The following BCL2L13 variants were observed in gnomAD, a reference collection of about 807,000 sequenced individuals.
BCL2L13 encodes bcl-2-like protein 13.
Under a neutral mutation model 25.8 loss-of-function variants are expected in BCL2L13, and 13 were observed. That is an observed-to-expected ratio of 0.50 (90% CI 0.33 to 0.80). The LOEUF (loss-of-function observed/expected upper bound fraction) is 0.80, where lower values mean the gene tolerates loss of function less well. Among genes scored for constraint, BCL2L13 ranks in the 30% least tolerant of loss-of-function variants. The pLI is 0.02. For synonymous variants in BCL2L13, 244 were observed against 230.3 expected, an observed-to-expected ratio of 1.06 and a Z score of -0.54; for missense variants, 504 against 574.9, an observed-to-expected ratio of 0.88 and a Z score of 1.26.
At chr22:17,646,716 C>CTTTTTTTTTT (rs10684670) in intron 1 of BCL2L13, among the ~76,000 whole-genome samples, 5 of 89,196 alleles carry the variant, frequency 5.6e-5, no homozygotes, top group Admixed American at 1.6e-4. Flanking sequence ...AAATATCTGT[C>CTTTTTTTTTT]TTTTTTTTTT....
At chr22:17,669,590 C>T (rs544946011) in intron 2 of BCL2L13, among the ~76,000 whole-genome samples, 5 of 152,288 alleles carry the variant, frequency 3.3e-5, no homozygotes, top group Middle Eastern at 3.4e-3. Flanking sequence ...GATGCACTCC[C>T]GTGACCCAAA....
upstream of BCL2L13, chr22:17,638,147 A>G (rs2058145708): frequency 6.6e-6 from 1 of 152,332 alleles, no homozygotes; most frequent in Non-Finnish European, 1.5e-5. Flanking sequence ...TCAAGTAAAC[A>G]AACATCCATT....
intron 1 of BCL2L13, among the ~76,000 whole-genome samples, chr22:17,647,299 G>A (rs1255039147): frequency 2.0e-5 from 3 of 151,678 alleles, no homozygotes; most frequent in Non-Finnish European, 2.9e-5. Context: ...TAGTGGAGAC[G>A]GGGTTTCACT....
In BCL2L13 at chr22:17,655,792, T is replaced by G; in HGVS notation, c.81T>G (p.Ser27=). The change falls in exon 2 of 7, where the codon TCT becomes TCG. Residue 27 remains serine, a synonymous_variant. Transcript: ENST00000317582. ...TTCTCAGCTACTTGGGACTCCTCTCTCAAGAGAAGCTGCAAGAGCAACATC... is the reference window on the plus strand; with the variant it reads ...TTCTCAGCTACTTGGGACTCCTCTCGCAAGAGAAGCTGCAAGAGCAACATC... ...YVVLSYLGLL[S]QEKLQEQHLS... is the part of the protein sequence containing the mutation. The G allele has an allele frequency of 6.2e-7, 1 of 1,613,852 alleles. No individual in the cohort carries two copies. Among genetic ancestry groups the G allele is most frequent in the Non-Finnish European group, 8.5e-7 (1 of 1,179,878 alleles).
At chr22:17,698,007 G>A (rs531442442) in intron 5 of BCL2L13, among the ~76,000 whole-genome samples, 66 of 151,920 alleles carry the variant, frequency 4.3e-4, no homozygotes, top group Non-Finnish European at 8.2e-4. Flanking sequence ...GTAGAGATGG[G>A]GTTTCACTGT....
intron 2 of BCL2L13, among the ~76,000 whole-genome samples, chr22:17,677,304 A>C (rs901058495): frequency 6.6e-6 from 1 of 152,252 alleles, no homozygotes; most frequent in African/African-American, 2.4e-5. Context: ...ATACGTAAAA[A>C]TGTTTAACCT....
upstream of BCL2L13, among the ~76,000 whole-genome samples, chr22:17,635,945 G>C (rs527572991): frequency 1.3e-5 from 2 of 151,474 alleles, no homozygotes; most frequent in Non-Finnish European, 2.9e-5. Context: ...TCCTGACCTC[G>C]TGATCCGTCC....
chr22:17,646,716 C>CTTTTTTTTTTTTT (rs10684670), intron 1 of BCL2L13, among the ~76,000 whole-genome samples: 1 of 89,196 alleles, frequency 1.1e-5, no homozygotes, highest in Admixed American at 1.6e-4. Context: ...AAATATCTGT[C>CTTTTTTTTTTTTT]TTTTTTTTTT....
chr22:17,662,631 A>G (rs550748396), intron 2 of BCL2L13, among the ~76,000 whole-genome samples: 1 of 152,146 alleles, frequency 6.6e-6, no homozygotes, highest in Non-Finnish European at 1.5e-5. Context: ...AGACCAGCCT[A>G]CATGGCGAAA....
At chr22:17,649,358 A>G (rs573922218) in intron 1 of BCL2L13, among the ~76,000 whole-genome samples, 2 of 152,158 alleles carry the variant, frequency 1.3e-5, no homozygotes, top group East Asian at 1.9e-4. Context: ...CGGCCTCCCA[A>G]AGTGTTGGGA....
chr22:17,679,476 G>A (rs1183363154), intron 2 of BCL2L13, among the ~76,000 whole-genome samples: 1 of 151,662 alleles, frequency 6.6e-6, no homozygotes, highest in Non-Finnish European at 1.5e-5. Flanking sequence ...CACCATGTTG[G>A]CCAGGCTGGT....
At chr22:17,672,318 T>C (rs2059442545) in intron 2 of BCL2L13, among the ~76,000 whole-genome samples, 1 of 152,200 alleles carries the variant, frequency 6.6e-6, no homozygotes, top group Non-Finnish European at 1.5e-5. Flanking sequence ...GAACCATAGA[T>C]TTCGAAAGTA....
At chr22:17,690,703 C>A (rs2145633343) in intron 4 of BCL2L13, among the ~76,000 whole-genome samples, 1 of 152,170 alleles carries the variant, frequency 6.6e-6, no homozygotes. Context: ...TTTGAGGCTG[C>A]AGTAAGCTAT....
At chr22:17,654,838 C>T (rs929460977) in intron 1 of BCL2L13, among the ~76,000 whole-genome samples, 1 of 152,024 alleles carries the variant, frequency 6.6e-6, no homozygotes, top group African/African-American at 2.4e-5. Flanking sequence ...CCTCCCGCCT[C>T]AGCTTCCTGA....
At chr22:17,713,401 C>G (rs2060816086) in intron 6 of BCL2L13, among the ~76,000 whole-genome samples, 1 of 151,562 alleles carries the variant, frequency 6.6e-6, no homozygotes. Flanking sequence ...GAATATAGAG[C>G]CCATCAATTT....
chr22:17,647,712 G>A (rs1488613988), intron 1 of BCL2L13, among the ~76,000 whole-genome samples: 1 of 152,164 alleles, frequency 6.6e-6, no homozygotes, highest in East Asian at 1.9e-4. Context: ...CAAATAAATT[G>A]TTCTTGTTTC....
intron 2 of BCL2L13, among the ~76,000 whole-genome samples, chr22:17,676,963 A>T (rs1466432496): frequency 1.3e-5 from 2 of 152,198 alleles, no homozygotes; most frequent in Admixed American, 6.6e-5. Context: ...TAGTTTATCA[A>T]AGTTATTTAC....
intron 2 of BCL2L13, among the ~76,000 whole-genome samples, chr22:17,656,853 C>G (rs1239662195): frequency 2.6e-5 from 4 of 152,094 alleles, no homozygotes; most frequent in African/African-American, 7.2e-5. Context: ...GAGTCTCACT[C>G]TGTTGCCCAG....
At chr22:17,650,116 C>T (rs1010283625) in intron 1 of BCL2L13, among the ~76,000 whole-genome samples, 2 of 151,746 alleles carry the variant, frequency 1.3e-5, no homozygotes, top group South Asian at 2.1e-4. Flanking sequence ...GTGATCTGCC[C>T]GTCTCAGCCT....
Sources: allele counts gnomAD v4.1 joint callset (sites outside exome capture counted in the v4.1 genomes callset), GRCh38; gene constraint gnomAD v4.1.1; transcripts MANE v1.5; gene names NCBI Gene and HGNC (gene_info 2026-07-23, HGNC 2026-07-21).